UBE2L3: variants seen among roughly 807,000 people sequenced by gnomAD.
UBE2L3 encodes the protein ubiquitin conjugating enzyme E2 L3.
A neutral mutation model predicts 17.8 loss-of-function variants in UBE2L3; 1 was observed. The ratio of observed to expected loss-of-function variants is 0.06; its 90% CI spans 0.02 to 0.27. UBE2L3 has a LOEUF of 0.27. UBE2L3 is among the 10% of genes least tolerant of loss of function. The probability of loss-of-function intolerance (pLI) is 1.00; values close to 1 mark genes in which losing one functional copy is unlikely to be tolerated. For missense variants in UBE2L3, 40 were observed against 192.6 expected, an observed-to-expected ratio of 0.21 and a Z score of 4.69; for synonymous variants, 44 against 68.5, an observed-to-expected ratio of 0.64 and a Z score of 1.76.
rs958490245 is a variant in UBE2L3, at chr22:21,623,172, A to G, written c.*1503A>G. 1 of 152,302 alleles carries G rather than the reference A, an allele frequency of 6.6e-6. No individual in the cohort carries two copies. The highest frequency in any genetic ancestry group is 2.4e-5 in the African/African-American group (1 of 41,420). The allele number at this position is 152,302 out of a possible 1,614,324, so 9.4% of individuals were successfully genotyped here. On this transcript the variant is annotated 3_prime_UTR_variant, in exon 4 of 4. Transcript: ENST00000342192. ...TGCTTTTTGTTTTAATTTTAATTCT[A>G]TAACTTGAGATCTTTCCGGGGCCTA...
chr22:21,584,665 C>T (rs990402726), intron 1 of UBE2L3, among the ~76,000 whole-genome samples: 17 of 150,936 alleles, frequency 1.1e-4, no homozygotes, highest in Non-Finnish European at 3.0e-5. Context: ...CTCCTGGCCT[C>T]AAGTGATTTT....
At chr22:21,569,575 TTAAAAACCTC>T (rs1926846892) in intron 1 of UBE2L3, among the ~76,000 whole-genome samples, 1 of 152,286 alleles carries the variant, frequency 6.6e-6, no homozygotes, top group African/African-American at 2.4e-5. Flanking sequence ...TTCACTCCTG[TTAAAAACCTC>T]TATGGTGTTA....
At chr22:21,580,974 G>A (rs998239924) in intron 1 of UBE2L3, among the ~76,000 whole-genome samples, 3 of 151,402 alleles carry the variant, frequency 2.0e-5, no homozygotes, top group East Asian at 2.0e-4. Flanking sequence ...TTATAACCTC[G>A]AATTCCTGGG....
chr22:21,570,554 G>C (rs1361541724), intron 1 of UBE2L3, among the ~76,000 whole-genome samples: 1 of 152,154 alleles, frequency 6.6e-6, no homozygotes, highest in Non-Finnish European at 1.5e-5. Context: ...CAAATTCCAT[G>C]CCTCTTGTCA....
chr22:21,608,416 A>G (rs896194519), intron 2 of UBE2L3, among the ~76,000 whole-genome samples: 2 of 151,982 alleles, frequency 1.3e-5, no homozygotes, highest in African/African-American at 4.8e-5. Flanking sequence ...TGCCAGGCCA[A>G]TATATTTATT....
At chr22:21,607,608 G>T (rs1929246564) in intron 2 of UBE2L3, among the ~76,000 whole-genome samples, 1 of 152,022 alleles carries the variant, frequency 6.6e-6, no homozygotes, top group Admixed American at 6.5e-5. Context: ...TGCCATGGCA[G>T]ACCTGGGTGA....
At chr22:21,562,834 C>T (rs1477082654), upstream of UBE2L3, among the ~76,000 whole-genome samples, 2 of 151,802 alleles carry the variant, frequency 1.3e-5, no homozygotes, top group African/African-American at 4.8e-5. Context: ...GACCTGGGCC[C>T]AAGGCCTAAT....
chr22:21,579,243 C>T (rs189234947), intron 1 of UBE2L3, among the ~76,000 whole-genome samples: 60 of 152,146 alleles, frequency 3.9e-4, no homozygotes, highest in Middle Eastern at 6.8e-3. Flanking sequence ...CCACCTGCCT[C>T]GGCCTCCCAA....
intron 2 of UBE2L3, among the ~76,000 whole-genome samples, chr22:21,603,381 T>A (rs923853919): frequency 4.6e-5 from 7 of 151,356 alleles, no homozygotes. Context: ...TACAAAAAAA[T>A]TAGCTGAGAG....
At chr22:21,566,001 C>G (rs1358053748), upstream of UBE2L3, among the ~76,000 whole-genome samples, 3 of 138,576 alleles carry the variant, frequency 2.2e-5, no homozygotes, top group Non-Finnish European at 4.6e-5. Context: ...AAGATGGAGT[C>G]TCACTCTGTC....
chr22:21,618,038 A>AG (rs1929861645), intron 3 of UBE2L3, among the ~76,000 whole-genome samples: 1 of 151,864 alleles, frequency 6.6e-6, no homozygotes, highest in African/African-American at 2.4e-5. Context: ...AGAATTAGCA[A>AG]GGCGTGGTGG....
intron 3 of UBE2L3, 44 bp downstream of exon 3, chr22:21,611,087 G>C (rs1041518502): frequency 1.8e-5 from 28 of 1,532,932 alleles, no homozygotes; most frequent in East Asian, 2.3e-5. Context: ...GTCTTTGGGG[G>C]TGCTGCTCTG....
Position 21,620,318 on chromosome 22 carries a change from C to T in UBE2L3, c.311-1197C>T, listed in dbSNP as rs1371657001. 1.3e-5 allele frequency among the ~76,000 whole-genome samples: 2 copies of T among 151,972 alleles called. 1 individual carries two copies. The highest frequency in any genetic ancestry group is 4.1e-4 in the South Asian group (2 of 4,824). ...GCATGTGCTTGTAGTCTCAGCTACT[C>T]AGGAAGCTGAGGCAGGAGGATCATT... On this transcript the variant is annotated intron_variant, in intron 3 of 3. Coordinates refer to ENST00000342192, the MANE Select transcript of UBE2L3 (RefSeq NM_003347.4).
chr22:21,579,484 T>A (rs2148409051), intron 1 of UBE2L3, among the ~76,000 whole-genome samples: 1 of 152,192 alleles, frequency 6.6e-6, no homozygotes, highest in East Asian at 1.9e-4. Flanking sequence ...AAGTCATGAT[T>A]TAGTGGCCAG....
At chr22:21,619,238 TAAATA>T (rs1929933423) in intron 3 of UBE2L3, among the ~76,000 whole-genome samples, 1 of 152,126 alleles carries the variant, frequency 6.6e-6, no homozygotes, top group Non-Finnish European at 1.5e-5. Flanking sequence ...ATTAAATAAA[TAAATA>T]AATGTTTATT....
intron 1 of UBE2L3, chr22:21,568,309 G>A: frequency 1.0e-6 from 1 of 985,692 alleles, no homozygotes; most frequent in Non-Finnish European, 1.2e-6. Flanking sequence ...TCAGTTTGTT[G>A]GTGGGTCGTT....
At chr22:21,613,741 A>AT (rs1448958807) in intron 3 of UBE2L3, among the ~76,000 whole-genome samples, 4 of 152,200 alleles carry the variant, frequency 2.6e-5, no homozygotes, top group Admixed American at 6.5e-5. Flanking sequence ...GGGGTCACTC[A>AT]TGCAGCTGTA....
intron 3 of UBE2L3, among the ~76,000 whole-genome samples, chr22:21,618,259 G>A (rs1186237954): frequency 6.6e-6 from 1 of 151,772 alleles, no homozygotes; most frequent in East Asian, 2.0e-4. Context: ...CATCTTTTGA[G>A]AAATAGGTCT....
intron 2 of UBE2L3, among the ~76,000 whole-genome samples, chr22:21,599,503 G>A (rs1164854340): frequency 6.6e-6 from 1 of 152,088 alleles, no homozygotes. Flanking sequence ...TGGAATCCAT[G>A]GTCTCTTAAG....
Sources: allele counts gnomAD v4.1 joint callset (sites outside exome capture counted in the v4.1 genomes callset), GRCh38; gene constraint gnomAD v4.1.1; transcripts MANE v1.5; gene names NCBI Gene and HGNC (gene_info 2026-07-23, HGNC 2026-07-21).